ALG6: variants seen among roughly 807,000 people sequenced by gnomAD.
ALG6 encodes dolichyl pyrophosphate Man9GlcNAc2 alpha-1,3-glucosyltransferase.
ALG6 carries 46 observed loss-of-function variants against 66.6 expected under a neutral mutation model. The observed-to-expected ratio is 0.69, with a 90% CI of 0.55 to 0.88. The LOEUF (loss-of-function observed/expected upper bound fraction) is 0.88, where lower values mean the gene tolerates loss of function less well. Among genes scored for constraint, ALG6 ranks in the 40% least tolerant of loss-of-function variants. The pLI is 0.00. For synonymous variants in ALG6, 185 were observed against 203.7 expected (o/e 0.91, Z 0.78); for missense variants, 505 against 586.8 (o/e 0.86, Z 1.44).
chr1:63,373,899 G>GGT (rs1452381592), intron 2 of ALG6, among the ~76,000 whole-genome samples: 2 of 151,962 alleles, frequency 1.3e-5, no homozygotes, highest in African/African-American at 4.8e-5. Context: ...TGGGATTATA[G>GGT]GTGTGAGCCA....
At position 63,428,825 on chromosome 1, in the gene ALG6, A is replaced by G. The variant is rs746914997; in HGVS notation, c.1127+24A>G. ...AGGTAAGTCATATCAATTTCCATAT[A>G]TTTTCAGTATAATTCTTGTAAACTA... is the stretch of plus-strand genomic sequence containing the variant. On this transcript the variant is annotated intron_variant, in intron 13 of 14. Transcript: ENST00000263440. The G allele has an allele frequency of 2.5e-6, 4 of 1,590,534 alleles. No individual in the cohort carries two copies. In the Admixed American group the frequency reaches 5.0e-5, roughly 20 times the overall value.
intron 9 of ALG6, 149 bp from the exon 10 acceptor site, chr1:63,413,912 A>T: frequency 1.6e-6 from 1 of 617,266 alleles, no homozygotes; most frequent in Non-Finnish European, 2.9e-6. Context: ...GTATATGTTT[A>T]TTCCTGGAGG....
chr1:63,405,178 C>G (rs1289483545), intron 5 of ALG6, among the ~76,000 whole-genome samples: 1 of 152,076 alleles, frequency 6.6e-6, no homozygotes, highest in Non-Finnish European at 1.5e-5. Flanking sequence ...TTCATCCAGT[C>G]ATGGAATCTT....
intron 2 of ALG6, among the ~76,000 whole-genome samples, chr1:63,387,532 CTTTTTTTTTTTTT>C (rs760731397): frequency 1.8e-4 from 11 of 59,494 alleles, no homozygotes; most frequent in Admixed American, 8.2e-4. Flanking sequence ...TTGTCTTTCT[CTTTTTTTTTTTTT>C]TTTTTTTTTT....
intron 11 of ALG6, among the ~76,000 whole-genome samples, chr1:63,417,387 A>C (rs1309190437): frequency 3.3e-5 from 5 of 152,230 alleles, no homozygotes; most frequent in African/African-American, 1.2e-4. Context: ...TTAGTTTTGT[A>C]ATTTTTTTCA....
intron 9 of ALG6, among the ~76,000 whole-genome samples, chr1:63,412,912 A>T (rs1478365857): frequency 6.6e-6 from 1 of 152,188 alleles, no homozygotes; most frequent in African/African-American, 2.4e-5. Context: ...ATTTCTATAG[A>T]ATATCTTTCA....
intron 14 of ALG6, among the ~76,000 whole-genome samples, chr1:63,436,179 A>AGAT (rs1557599708): frequency 6.6e-6 from 1 of 152,164 alleles, no homozygotes; most frequent in Non-Finnish European, 1.5e-5. Flanking sequence ...GATACAGAAT[A>AGAT]GATGTATATA....
chr1:63,399,481 C>T (rs1282491568), intron 3 of ALG6, among the ~76,000 whole-genome samples: 1 of 152,132 alleles, frequency 6.6e-6, no homozygotes, highest in African/African-American at 2.4e-5. Flanking sequence ...GACAGTATAG[C>T]AGTACTGTAC....
intron 2 of ALG6, among the ~76,000 whole-genome samples, chr1:63,390,436 A>T (rs144674289): frequency 6.6e-6 from 1 of 152,024 alleles, no homozygotes; most frequent in Non-Finnish European, 1.5e-5. Context: ...CCTTAAGCAG[A>T]AGGCATCCTT....
At chr1:63,400,204 AAAATATATATATATATACGTAT>A (rs1402516720) in intron 3 of ALG6, among the ~76,000 whole-genome samples, 2 of 42,668 alleles carry the variant, frequency 4.7e-5, no homozygotes, top group East Asian at 1.8e-3. Context: ...CAAAAAAAAA[AAAATATATATATATATACGTAT>A]ATATATATAT....
At chr1:63,406,761 T>C (rs1469062647) in intron 6 of ALG6, among the ~76,000 whole-genome samples, 1 of 152,056 alleles carries the variant, frequency 6.6e-6, no homozygotes, top group Non-Finnish European at 1.5e-5. Context: ...TTATTTTTGG[T>C]CATTTTAGAT....
At chr1:63,424,009 T>C (rs1481163568) in intron 12 of ALG6, among the ~76,000 whole-genome samples, 3 of 152,258 alleles carry the variant, frequency 2.0e-5, no homozygotes, top group African/African-American at 7.2e-5. Context: ...ATAGCCATGC[T>C]AGTGGATATG....
At chr1:63,378,024 G>A (rs534256380) in intron 2 of ALG6, among the ~76,000 whole-genome samples, 1 of 152,328 alleles carries the variant, frequency 6.6e-6, no homozygotes, top group African/African-American at 2.4e-5. Flanking sequence ...ATGACAGGTT[G>A]TGAGCCACTG....
chr1:63,410,036 A>G (rs189965410), intron 7 of ALG6, among the ~76,000 whole-genome samples: 115 of 152,246 alleles, frequency 7.6e-4, no homozygotes, highest in Non-Finnish European at 1.5e-3. Context: ...TTCTGCACAT[A>G]CTACTCAAAG....
chr1:63,371,255 G>A, intron 2 of ALG6, 196 bp downstream of exon 2: 1 of 570,498 alleles, frequency 1.8e-6, no homozygotes, highest in Non-Finnish European at 3.1e-6. Context: ...CATGCGCTTT[G>A]TGATGTGAGA....
In ALG6 at chr1:63,414,213, T is replaced by C. The variant is rs116823416; in HGVS notation, c.902+67T>C. ...TCTTTAAAAGCATTATGGTATTATT[T>C]CATTTATTTGGCATCATTAGGGAAT... is the stretch of plus-strand genomic sequence containing the variant. On this transcript the variant is annotated intron_variant, in intron 10 of 14. Transcript: ENST00000263440. 1,202 of 1,218,716 alleles carry C rather than the reference T, an allele frequency of 9.9e-4. 8 individuals carry two copies. In the African/African-American group the frequency reaches 0.015, roughly 15 times the overall value. 75.5% of individuals were successfully genotyped at this position (1,218,716 alleles called of 1,614,324 possible). A position where few individuals can be genotyped will look rare whatever the true frequency, so the allele number is the denominator to read the frequency against.
chr1:63,418,229 G>A (rs1233524105), intron 11 of ALG6, among the ~76,000 whole-genome samples: 2 of 150,062 alleles, frequency 1.3e-5, no homozygotes, highest in African/African-American at 4.9e-5. Context: ...TCTAGAGAAG[G>A]TTTCTATAGT....
In ALG6 at chr1:63,406,454, T is replaced by A. The variant is rs1406139788; in HGVS notation, c.429+55T>A. 3 of 1,448,178 alleles carry A rather than the reference T, an allele frequency of 2.1e-6. No individual in the cohort carries two copies. In the Admixed American group the frequency reaches 5.0e-5, roughly 24 times the overall value. The allele number at this position is 1,448,178 out of a possible 1,614,324, so 89.7% of individuals were successfully genotyped here. ...CTCTGAAATGTATTCTTTATTAGTC[T>A]AACTATTAAGTATAGACCTTAGAGA... is the stretch of plus-strand genomic sequence containing the variant. On this transcript the variant is annotated intron_variant, in intron 6 of 14. Transcript: ENST00000263440.
At chr1:63,395,694 CAAAAA>C (rs927624485) in intron 2 of ALG6, among the ~76,000 whole-genome samples, 1 of 151,106 alleles carries the variant, frequency 6.6e-6, no homozygotes, top group African/African-American at 2.4e-5. Flanking sequence ...GACTCTGTCT[CAAAAA>C]AAAGTCCTTT....
Sources: gnomAD v4.1 joint callset for allele counts (sites outside exome capture counted in the v4.1 genomes callset) on GRCh38, gnomAD v4.1.1 for gene constraint, MANE v1.5 for transcripts, NCBI Gene and HGNC (gene_info 2026-07-23, HGNC 2026-07-21) for gene names.